The following RDH12 variants were observed in gnomAD, a reference collection of about 807,000 sequenced individuals.
RDH12 encodes all-trans and 9-cis retinol dehydrogenase.
A neutral mutation model predicts 34.0 loss-of-function variants in RDH12; 21 were observed. The observed-to-expected ratio is 0.62, with a 90% CI of 0.44 to 0.89. The LOEUF is 0.89. RDH12 is among the 40% of genes least tolerant of loss of function. The probability of loss-of-function intolerance (pLI) is 0.00; values close to 1 mark genes in which losing one functional copy is unlikely to be tolerated. For synonymous variants in RDH12, 198 were observed against 169.9 expected (o/e 1.17, Z -1.29); for missense variants, 394 against 398.6 (o/e 0.99, Z 0.10).
At chr14:67,724,314 AATGTTGTCCTATGAAGGT>A (rs1461536366) in intron 3 of RDH12, among the ~76,000 whole-genome samples, 141 bp from the exon 4 acceptor site, 1 of 152,070 alleles carries the variant, frequency 6.6e-6, no homozygotes, top group Non-Finnish European at 1.5e-5. Context: ...CCCATGGAAA[AATGTTGTCCTATGAAGGT>A]TAGCTTTTAT....
chr14:67,721,132 G>A (rs2038119242), intron 2 of RDH12, among the ~76,000 whole-genome samples: 1 of 152,202 alleles, frequency 6.6e-6, no homozygotes, highest in Non-Finnish European at 1.5e-5. Flanking sequence ...TGCCACAGAA[G>A]TCTTTCATGC....
intron 1 of RDH12, among the ~76,000 whole-genome samples, chr14:67,712,827 G>T (rs1328621876): frequency 6.6e-6 from 1 of 151,998 alleles, no homozygotes; most frequent in Non-Finnish European, 1.5e-5. Context: ...TCAGTTGGCA[G>T]CTAGCAAAAA....
chr14:67,722,200 C>T (rs1298438798), intron 2 of RDH12, among the ~76,000 whole-genome samples: 1 of 152,084 alleles, frequency 6.6e-6, no homozygotes, highest in Non-Finnish European at 1.5e-5. Context: ...CTATTTTAAT[C>T]CACTCATATT....
intron 1 of RDH12, among the ~76,000 whole-genome samples, chr14:67,702,621 C>T (rs1050181932): frequency 2.0e-5 from 3 of 151,988 alleles, no homozygotes; most frequent in Non-Finnish European, 4.4e-5. Flanking sequence ...AATTTTAAAG[C>T]CAGTTTATTT....
In RDH12 at chr14:67,733,757, G is replaced by C; in HGVS notation, c.860G>C (p.Arg287Thr). 1.2e-6 allele frequency: 2 copies of C among 1,612,794 alleles called. No homozygotes were observed. The highest frequency in any genetic ancestry group is 1.7e-6 in the Non-Finnish European group (2 of 1,179,054). The change falls in exon 9 of 9, where the codon AGG becomes ACG. Residue 287 changes from arginine to threonine, a missense_variant. Physicochemically the swap from Arg to Thr is moderately conservative, Grantham distance 71 (BLOSUM62 -1). Coordinates refer to ENST00000551171, the MANE Select transcript of RDH12 (RefSeq NM_152443.3). Reference sequence around the variant, plus strand: ...TCTCTGCCCTCCAGTGACTGCAAGAGGACCTGGGTGTCTCCAAGGGCCCGA... The same window carrying C: ...TCTCTGCCCTCCAGTGACTGCAAGACGACCTGGGTGTCTCCAAGGGCCCGA... ...LSGKYFSDCK[R>T]TWVSPRARNN...
chr14:67,703,114 C>T (rs2037917376), intron 1 of RDH12, among the ~76,000 whole-genome samples: 1 of 152,168 alleles, frequency 6.6e-6, no homozygotes, highest in African/African-American at 2.4e-5. Context: ...GTCACCTCAT[C>T]TGGCCCTTAT....
At chr14:67,725,031 C>T in intron 4 of RDH12, 68 bp from the exon 5 acceptor site, 1 of 1,560,162 alleles carries the variant, frequency 6.4e-7, no homozygotes, top group Non-Finnish European at 8.8e-7. Context: ...CAGTCCCAAG[C>T]TCACTTACTA....
At chr14:67,708,632 GT>G (rs764567503) in intron 1 of RDH12, among the ~76,000 whole-genome samples, 2 of 151,978 alleles carry the variant, frequency 1.3e-5, no homozygotes, top group African/African-American at 2.4e-5. Context: ...AATTACAGGA[GT>G]TTCCCATGAT....
chr14:67,725,732 A>G (rs922743113), intron 5 of RDH12, among the ~76,000 whole-genome samples: 1 of 152,216 alleles, frequency 6.6e-6, no homozygotes, highest in Non-Finnish European at 1.5e-5. Flanking sequence ...CCTGGCTCAG[A>G]GTCGGTAGTT....
intron 1 of RDH12, among the ~76,000 whole-genome samples, chr14:67,713,164 A>G (rs2038028556): frequency 6.6e-6 from 1 of 152,068 alleles, no homozygotes. Context: ...TTTAGCCAAG[A>G]CAAAACCTCA....
intron 7 of RDH12, 108 bp downstream of exon 7, chr14:67,727,298 CTG>C (rs1186759164): frequency 7.4e-5 from 60 of 816,062 alleles, no homozygotes; most frequent in Non-Finnish European, 1.2e-5. Context: ...AGTAATATCT[CTG>C]TGGACTAAGG....
At chr14:67,727,640 G>A (rs1432214601) in intron 7 of RDH12, 5 of 211,490 alleles carry the variant, frequency 2.4e-5, no homozygotes, top group East Asian at 1.4e-4. Context: ...GCAATATCAC[G>A]CCTGGCTAAT....
chr14:67,726,189 C>T (rs1165758363), intron 6 of RDH12, 34 bp downstream of exon 6: 1 of 1,199,526 alleles, frequency 8.3e-7, no homozygotes, highest in Non-Finnish European at 1.2e-6. Context: ...AAATGAGGTA[C>T]ACCCACTATC....
rs1233141603 is a variant in RDH12 at position 67,703,325 on chromosome 14, T to A, written c.-275+1390T>A. ...AGGTAGTTCGATGGCAGTTTTATTT[T>A]AAAAATCTTTTATCCTTTTATTCAG... On this transcript the variant is annotated intron_variant, in intron 1 of 8. Coordinates refer to ENST00000551171, the MANE Select transcript of RDH12 (RefSeq NM_152443.3). 7.2e-5 allele frequency among the ~76,000 whole-genome samples: 11 copies of A among 152,372 alleles called. No homozygotes were observed. The East Asian group carries it at 1.5e-3, about 21-fold the overall frequency.
At chr14:67,712,920 C>T (rs1409901341) in intron 1 of RDH12, among the ~76,000 whole-genome samples, 7 of 151,510 alleles carry the variant, frequency 4.6e-5, no homozygotes, top group African/African-American at 1.7e-4. Flanking sequence ...CTTTTGCTGG[C>T]CATTTTTCTC....
rs535550634 is a variant in RDH12, at chr14:67,705,641, A to G, written c.-275+3706A>G. 3.3e-5 allele frequency among the ~76,000 whole-genome samples: 5 copies of G among 152,318 alleles called. No individual in the cohort carries two copies. The South Asian group carries it at 6.2e-4, about 19-fold the overall frequency. On this transcript the variant is annotated intron_variant, in intron 1 of 8. Coordinates refer to ENST00000551171, the MANE Select transcript of RDH12 (RefSeq NM_152443.3). ...TAGTTTAGTTAGTGGTGTTGTACCA[A>G]TGTTAATTTCCTGGTTTTGATCATT...
chr14:67,732,815 A>G (rs2038300286), intron 8 of RDH12, among the ~76,000 whole-genome samples: 1 of 152,166 alleles, frequency 6.6e-6, no homozygotes, highest in Non-Finnish European at 1.5e-5. Flanking sequence ...TCCTGACCTC[A>G]GGTGATCCAC....
intron 1 of RDH12, among the ~76,000 whole-genome samples, chr14:67,713,095 T>C (rs1390391878): frequency 1.3e-5 from 2 of 151,968 alleles, no homozygotes; most frequent in African/African-American, 4.8e-5. Context: ...ATGGCACAAC[T>C]TATATGATCA....
intron 1 of RDH12, among the ~76,000 whole-genome samples, chr14:67,716,142 G>A (rs1405641494): frequency 4.6e-5 from 7 of 151,422 alleles, no homozygotes; most frequent in Non-Finnish European, 8.8e-5. Context: ...GCTTGCAGTG[G>A]GCCGAGATCA....
Sources: gnomAD v4.1 joint callset for allele counts (sites outside exome capture counted in the v4.1 genomes callset) on GRCh38, gnomAD v4.1.1 for gene constraint, MANE v1.5 for transcripts, NCBI Gene and HGNC (gene_info 2026-07-23, HGNC 2026-07-21) for gene names.